Variants in PCDH15 observed in about 807,000 individuals in gnomAD.
PCDH15 encodes the protein protocadherin-15.
A neutral mutation model predicts 178.5 loss-of-function variants in PCDH15; 129 were observed. That is an observed-to-expected ratio of 0.72 (90% CI 0.63 to 0.84). The LOEUF (loss-of-function observed/expected upper bound fraction) is 0.84, where lower values mean the gene tolerates loss of function less well. PCDH15 is among the 40% of genes least tolerant of loss of function. The probability of loss-of-function intolerance (pLI) is 0.00; values close to 1 mark genes in which losing one functional copy is unlikely to be tolerated. For missense variants in PCDH15, 2,230 were observed against 2,099.9 expected, an observed-to-expected ratio of 1.06 and a Z score of -1.21; for synonymous variants, 800 against 732.0, an observed-to-expected ratio of 1.09 and a Z score of -1.50.
chr10:54,236,301 T>A (rs935337668), intron 9 of PCDH15, among the ~76,000 whole-genome samples: 3 of 152,126 alleles, frequency 2.0e-5, no homozygotes, highest in African/African-American at 7.2e-5. Flanking sequence ...ATTAGGATGG[T>A]TTCTGTGGAA....
intron 2 of PCDH15, among the ~76,000 whole-genome samples, chr10:54,591,689 C>A (rs2091898040): frequency 6.6e-6 from 1 of 151,912 alleles, no homozygotes; most frequent in African/African-American, 2.4e-5. Flanking sequence ...ATGCCAATAT[C>A]TAATGAATAA....
intron 3 of PCDH15, among the ~76,000 whole-genome samples, chr10:54,864,344 TTA>T (rs1953898971): frequency 6.6e-6 from 1 of 152,138 alleles, no homozygotes; most frequent in South Asian, 2.1e-4. Flanking sequence ...TCTTTTTTCA[TTA>T]TGTTTCATAA....
intron 26 of PCDH15, among the ~76,000 whole-genome samples, chr10:53,880,699 A>G (rs553885709): frequency 5.3e-5 from 8 of 152,190 alleles, no homozygotes; most frequent in Admixed American, 3.3e-4. Context: ...ATAAATTTAT[A>G]ATTTTCAAAA....
At chr10:55,401,135 A>G (rs1257174445) in intron 2 of PCDH15, among the ~76,000 whole-genome samples, 1 of 152,090 alleles carries the variant, frequency 6.6e-6, no homozygotes, top group Non-Finnish European at 1.5e-5. Context: ...ATGCATTCCA[A>G]GTTCCAAACA....
At chr10:54,181,279 C>T (rs905564927) in intron 13 of PCDH15, among the ~76,000 whole-genome samples, 4 of 152,096 alleles carry the variant, frequency 2.6e-5, no homozygotes, top group African/African-American at 9.7e-5. Context: ...CTACAGCTTC[C>T]CATTCTCTCA....
intron 2 of PCDH15, among the ~76,000 whole-genome samples, chr10:55,451,951 A>G (rs946689902): frequency 3.3e-5 from 5 of 152,226 alleles, no homozygotes; most frequent in African/African-American, 9.6e-5. Flanking sequence ...ATTCCAGGAT[A>G]TCGAAAAATG....
chr10:55,072,166 C>A (rs1172649494), intron 2 of PCDH15, among the ~76,000 whole-genome samples: 1 of 151,662 alleles, frequency 6.6e-6, no homozygotes, highest in East Asian at 1.9e-4. Flanking sequence ...AAATTGACAC[C>A]CTAACATCAC....
intron 2 of PCDH15, among the ~76,000 whole-genome samples, chr10:55,110,229 G>C (rs1315900134): frequency 1.3e-5 from 2 of 151,884 alleles, no homozygotes; most frequent in African/African-American, 4.8e-5. Context: ...TGTTATATCA[G>C]GTAAGTTCAT....
chr10:54,518,546 A>C (rs1484844559), intron 3 of PCDH15, among the ~76,000 whole-genome samples: 5 of 152,146 alleles, frequency 3.3e-5, no homozygotes, highest in Admixed American at 1.3e-4. Context: ...CAATAACAGG[A>C]GCTGAAATTG....
At chr10:55,117,792 A>G (rs1002741944) in intron 2 of PCDH15, among the ~76,000 whole-genome samples, 1 of 152,190 alleles carries the variant, frequency 6.6e-6, no homozygotes, top group African/African-American at 2.4e-5. Flanking sequence ...CACCATTACA[A>G]GGTACCATAA....
chr10:53,839,073 G>A (rs945130205), intron 29 of PCDH15, among the ~76,000 whole-genome samples: 6 of 151,648 alleles, frequency 4.0e-5, no homozygotes, highest in African/African-American at 1.5e-4. Context: ...GCGTGGTGGC[G>A]GGCGCCTGTA....
At chr10:54,610,734 G>A (rs1337487816) in intron 2 of PCDH15, among the ~76,000 whole-genome samples, 1 of 151,800 alleles carries the variant, frequency 6.6e-6, no homozygotes, top group African/African-American at 2.4e-5. Flanking sequence ...AAGGAGAATA[G>A]AAGAATAAGA....
At chr10:54,292,103 C>G (rs2059454393) in intron 8 of PCDH15, among the ~76,000 whole-genome samples, 1 of 152,166 alleles carries the variant, frequency 6.6e-6, no homozygotes, top group Non-Finnish European at 1.5e-5. Flanking sequence ...TCCAGCAGCA[C>G]AAGAAAAAGC....
At chr10:54,849,081 G>T (rs985243775) in intron 3 of PCDH15, among the ~76,000 whole-genome samples, 2 of 151,824 alleles carry the variant, frequency 1.3e-5, no homozygotes, top group African/African-American at 4.8e-5. Context: ...GCTAAATTAC[G>T]TGTTTCCCTT....
chr10:54,577,621 A>G (rs77769519), intron 2 of PCDH15, among the ~76,000 whole-genome samples: 17,183 of 152,118 alleles, frequency 0.11, 1,090 homozygotes, highest in Middle Eastern at 0.16. Flanking sequence ...ATTAAAAACA[A>G]AAGTTCAAGG....
At chr10:55,444,780 A>C (rs1343501860) in intron 2 of PCDH15, among the ~76,000 whole-genome samples, 1 of 152,156 alleles carries the variant, frequency 6.6e-6, no homozygotes. Flanking sequence ...TTAAACATTA[A>C]AAGCACTATT....
chr10:54,600,108 G>C (rs535061578), intron 2 of PCDH15: 14 of 924,318 alleles, frequency 1.5e-5, no homozygotes, highest in Non-Finnish European at 2.2e-5. Flanking sequence ...AAAAGGAAGA[G>C]AAACCAATGG....
chr10:54,062,628 G>T (rs1470925112), intron 18 of PCDH15, among the ~76,000 whole-genome samples: 2 of 151,902 alleles, frequency 1.3e-5, no homozygotes, highest in Non-Finnish European at 2.9e-5. Flanking sequence ...ACAAGTTATT[G>T]CCTAAAGACC....
chr10:54,845,177 A>G (rs763516850), intron 3 of PCDH15, among the ~76,000 whole-genome samples: 8 of 150,614 alleles, frequency 5.3e-5, no homozygotes, highest in Non-Finnish European at 1.0e-4. Context: ...CTGAATGTTC[A>G]TTATGTTAAT....
Sources: allele counts gnomAD v4.1 joint callset (sites outside exome capture counted in the v4.1 genomes callset), GRCh38; gene constraint gnomAD v4.1.1; transcripts MANE v1.5; gene names NCBI Gene and HGNC (gene_info 2026-07-23, HGNC 2026-07-21).